The following PTPRD variants were observed in gnomAD, a reference collection of about 807,000 sequenced individuals.
The protein encoded by PTPRD is receptor-type tyrosine-protein phosphatase delta.
A neutral mutation model predicts 214.5 loss-of-function variants in PTPRD; 34 were observed. The observed-to-expected ratio is 0.16, with a 90% CI of 0.12 to 0.21. The LOEUF (loss-of-function observed/expected upper bound fraction) is 0.21. PTPRD is among the 10% of genes least tolerant of loss of function. The pLI is 1.00. For missense variants in PTPRD, 2,545 were observed against 2,398.7 expected (o/e 1.06, Z -1.27); for synonymous variants, 1,128 against 845.7 (o/e 1.33, Z -5.79).
chr9:9,824,169 T>C (rs2051832324), intron 5 of PTPRD, among the ~76,000 whole-genome samples: 1 of 135,674 alleles, frequency 7.4e-6, no homozygotes, highest in African/African-American at 3.3e-5. Context: ...TCTCATTATG[T>C]ATTTGCAAGT....
intron 10 of PTPRD, among the ~76,000 whole-genome samples, chr9:9,049,702 G>C (rs551037395): frequency 6.6e-6 from 1 of 152,234 alleles, no homozygotes; most frequent in African/African-American, 2.4e-5. Context: ...CTTACATGCA[G>C]GCCCTATACC....
At chr9:10,457,713 G>A (rs2098928842) in intron 2 of PTPRD, among the ~76,000 whole-genome samples, 1 of 152,028 alleles carries the variant, frequency 6.6e-6, no homozygotes, top group Admixed American at 6.6e-5. Flanking sequence ...CAAGGTATGA[G>A]TGTTCCTATT....
chr9:10,291,337 AACATCCTAATCCTTG>A (rs572050093), intron 3 of PTPRD, among the ~76,000 whole-genome samples: 14 of 152,250 alleles, frequency 9.2e-5, no homozygotes, highest in African/African-American at 3.1e-4. Flanking sequence ...AAACATGGTC[AACATCCTAATCCTTG>A]ACATCCTAAT....
intron 11 of PTPRD, among the ~76,000 whole-genome samples, chr9:8,812,887 C>T (rs953208460): frequency 2.6e-5 from 4 of 151,946 alleles, no homozygotes; most frequent in Non-Finnish European, 5.9e-5. Flanking sequence ...GATGCAAACT[C>T]AATCCTGTCA....
chr9:8,620,119 T>G (rs2095766914), intron 14 of PTPRD, among the ~76,000 whole-genome samples: 3 of 152,038 alleles, frequency 2.0e-5, no homozygotes, highest in Admixed American at 2.0e-4. Flanking sequence ...AATTCACACA[T>G]TCCAAAACTG....
intron 8 of PTPRD, among the ~76,000 whole-genome samples, chr9:9,526,242 G>A (rs554663790): frequency 1.2e-4 from 18 of 152,118 alleles, no homozygotes; most frequent in Non-Finnish European, 2.2e-4. Flanking sequence ...GCAGCCTACT[G>A]ATGATGAGCA....
intron 8 of PTPRD, among the ~76,000 whole-genome samples, chr9:9,558,658 C>A (rs1366687917): frequency 6.6e-6 from 1 of 152,192 alleles, no homozygotes; most frequent in Non-Finnish European, 1.5e-5. Context: ...CAGATGTCAC[C>A]TCCTTGGTGA....
chr9:10,560,353 A>G lies in PTPRD; in HGVS notation c.-600+52045T>C, dbSNP rs1394679403. 2.6e-5 allele frequency among the ~76,000 whole-genome samples: 4 copies of G among 152,132 alleles called. 1 individual carries two copies. The highest frequency in any genetic ancestry group is 4.8e-5 in the African/African-American group (2 of 41,502). On this transcript the variant is annotated intron_variant, in intron 2 of 45. Coordinates refer to ENST00000381196, the MANE Select transcript of PTPRD (RefSeq NM_002839.4). ...TATTCTCACTCAAAGGTGGGAATTG[A>G]ACAATGATAACACATGGACACAGGA...
At chr9:9,462,675 C>T (rs1589087806) in intron 8 of PTPRD, among the ~76,000 whole-genome samples, 3 of 152,044 alleles carry the variant, frequency 2.0e-5, no homozygotes, top group Non-Finnish European at 1.5e-5. Flanking sequence ...TTTAACTTTT[C>T]CTTTTCGATC....
chr9:9,707,768 C>T (rs1213906310), intron 7 of PTPRD, among the ~76,000 whole-genome samples: 1 of 152,016 alleles, frequency 6.6e-6, no homozygotes, highest in African/African-American at 2.4e-5. Context: ...ATAGAGTTAG[C>T]AGTGCCACTA....
intron 5 of PTPRD, among the ~76,000 whole-genome samples, chr9:9,782,064 T>G (rs2098848618): frequency 1.3e-5 from 2 of 152,128 alleles, no homozygotes; most frequent in African/African-American, 4.8e-5. Flanking sequence ...GTGCTGGGAT[T>G]ACAGGCGTGA....
chr9:9,938,409 G>A (rs755320006), intron 5 of PTPRD, 98 bp downstream of exon 5: 1 of 152,076 alleles, frequency 6.6e-6, no homozygotes, highest in African/African-American at 2.4e-5. Flanking sequence ...AGCGTAAAAG[G>A]GTTGATGGAG....
At chr9:8,966,981 C>T (rs902518012) in intron 11 of PTPRD, among the ~76,000 whole-genome samples, 1 of 151,740 alleles carries the variant, frequency 6.6e-6, no homozygotes, top group Non-Finnish European at 1.5e-5. Flanking sequence ...AAAAAATGGA[C>T]CATAGACATG....
At chr9:8,528,886 C>A in intron 14 of PTPRD, 107 bp from the exon 15 acceptor site, 1 of 1,057,434 alleles carries the variant, frequency 9.5e-7, no homozygotes, top group Non-Finnish European at 1.4e-6. Context: ...TTGTTGAGAA[C>A]CTAACACAAA....
intron 11 of PTPRD, among the ~76,000 whole-genome samples, chr9:8,745,933 G>C (rs2092747086): frequency 6.6e-6 from 1 of 152,086 alleles, no homozygotes; most frequent in South Asian, 2.1e-4. Context: ...GAGTATCCGG[G>C]AATACTGGCA....
chr9:9,123,289 T>C (rs10122888), intron 10 of PTPRD, among the ~76,000 whole-genome samples: 6,577 of 152,302 alleles, frequency 0.043, 287 homozygotes, highest in African/African-American at 0.11. Context: ...GTGTTGGAGC[T>C]AGGACATTTC....
rs770085204 is a variant in PTPRD at position 8,868,365 on chromosome 9, A to AT, written c.-103-134420dup. Among the ~76,000 whole-genome samples the AT allele has an allele frequency of 3.0e-4, 46 of 151,292 alleles. 1 individual carries two copies. The highest frequency in any genetic ancestry group is 2.3e-3 in the East Asian group (12 of 5,118). ...GGGCATGTACCACCACACCTAACTA[A>AT]TTTTTTTTTGTATTTTTAGTAGAGA... On this transcript the variant is annotated intron_variant, in intron 11 of 45. Coordinates refer to ENST00000381196, the MANE Select transcript of PTPRD (RefSeq NM_002839.4).
intron 10 of PTPRD, among the ~76,000 whole-genome samples, chr9:9,110,393 A>G (rs970078655): frequency 6.6e-6 from 1 of 152,114 alleles, no homozygotes; most frequent in African/African-American, 2.4e-5. Context: ...AGGCCCAGGA[A>G]TCTGTGTTTT....
intron 9 of PTPRD, among the ~76,000 whole-genome samples, chr9:9,312,702 C>A (rs966108019): frequency 9.9e-5 from 15 of 152,040 alleles, no homozygotes; most frequent in Non-Finnish European, 1.9e-4. Flanking sequence ...AGGCTCTGGC[C>A]AACCTCTACC....
Sources: gnomAD v4.1 joint callset for allele counts (sites outside exome capture counted in the v4.1 genomes callset) on GRCh38, gnomAD v4.1.1 for gene constraint, MANE v1.5 for transcripts, NCBI Gene and HGNC (gene_info 2026-07-23, HGNC 2026-07-21) for gene names.